DNAJB13: variants seen among roughly 807,000 people sequenced by gnomAD.
DNAJB13 encodes the protein DnaJ heat shock protein family (Hsp40) member B13.
A neutral mutation model predicts 35.6 loss-of-function variants in DNAJB13; 22 were observed. The ratio of observed to expected loss-of-function variants is 0.62; its 90% CI spans 0.44 to 0.88. The LOEUF is 0.88. DNAJB13 is among the 40% of genes least tolerant of loss of function. DNAJB13 has a pLI of 0.00. For missense variants in DNAJB13, 370 were observed against 384.3 expected, an observed-to-expected ratio of 0.96 and a Z score of 0.31; for synonymous variants, 136 against 144.2, an observed-to-expected ratio of 0.94 and a Z score of 0.41.
chr11:73,952,575 GAC>G (rs1950614034), intron 1 of DNAJB13, among the ~76,000 whole-genome samples: 1 of 152,168 alleles, frequency 6.6e-6, no homozygotes, highest in Non-Finnish European at 1.5e-5. Flanking sequence ...GGAGAAAAAA[GAC>G]ACAAACTCAT....
At chr11:73,964,722 A>C (rs370100774) in intron 3 of DNAJB13, 156 bp from the exon 4 acceptor site, 1 of 808,936 alleles carries the variant, frequency 1.2e-6, no homozygotes, top group Non-Finnish European at 2.0e-6. Flanking sequence ...TGGGTGTTAC[A>C]CAGGACACTG....
intron 1 of DNAJB13, among the ~76,000 whole-genome samples, chr11:73,953,505 G>A (rs995645056): frequency 6.6e-6 from 1 of 152,208 alleles, no homozygotes; most frequent in African/African-American, 2.4e-5. Flanking sequence ...GGTCGTGATT[G>A]ATTTGAGCAA....
Position 73,951,138 on chromosome 11 carries a change from G to C in DNAJB13, c.68+1G>C, listed in dbSNP as rs775700619. The C allele has an allele frequency of 1.3e-5, 21 of 1,614,046 alleles. No individual in the cohort carries two copies. The highest frequency in any genetic ancestry group is 1.7e-4 in the Middle Eastern group (1 of 6,058). On this transcript the variant is annotated splice_donor_variant, in intron 1 of 7. Coordinates refer to ENST00000339764, the MANE Select transcript of DNAJB13 (RefSeq NM_153614.4). LOFTEE classifies it high-confidence loss of function. ...CAGAGGATGCCCAGATCAAGCAGGC[G>C]TAAGTTGGGGTGGGAGCCAGGCCTT...
In DNAJB13 at chr11:73,969,999, C is replaced by T. The variant is rs1241364131; in HGVS notation, c.836C>T (p.Pro279Leu). The T allele has an allele frequency of 6.2e-7, 1 of 1,611,568 alleles. No homozygotes were observed. The highest frequency in any genetic ancestry group is 1.1e-5 in the South Asian group (1 of 90,338). The change falls in exon 8 of 8, where the codon CCA becomes CTA. Residue 279 changes from proline (P) to leucine (L), a missense_variant. By Grantham distance (98) the Pro-to-Leu change is moderately conservative. Transcript: ENST00000339764. The stretch of plus-strand genomic sequence containing the variant: ...AAGAAGGTGCCAGGGGAGGGGATGC[C>T]ATTGCCGGAGGACCCCACTAAGAAA... The part of the protein sequence containing the change: ...YFKKVPGEGM[P>L]LPEDPTKKGD...
chr11:73,962,632 A>G (rs538039451), intron 3 of DNAJB13, among the ~76,000 whole-genome samples: 22 of 152,312 alleles, frequency 1.4e-4, no homozygotes, highest in Middle Eastern at 3.4e-3. Context: ...TTATACCCAC[A>G]TAAGGCCTAG....
chr11:73,969,052 A>T (rs967173273), intron 6 of DNAJB13, among the ~76,000 whole-genome samples, 194 bp from the exon 7 acceptor site: 1 of 151,378 alleles, frequency 6.6e-6, no homozygotes. Context: ...CATCCATCTT[A>T]CCTGCCAGAT....
intron 3 of DNAJB13, 99 bp from the exon 4 acceptor site, chr11:73,964,779 G>T: frequency 1.6e-6 from 1 of 631,298 alleles, no homozygotes; most frequent in Non-Finnish European, 2.6e-6. Flanking sequence ...GTGTGTGTGT[G>T]TGTGTGTGTG....
intron 4 of DNAJB13, 181 bp downstream of exon 4, chr11:73,965,216 C>T: frequency 1.5e-6 from 1 of 662,216 alleles, no homozygotes; most frequent in African/African-American, 1.9e-5. Context: ...CAGTTGAAGA[C>T]ATTAGCCCGG....
At chr11:73,953,743 T>C (rs1381610309) in intron 1 of DNAJB13, among the ~76,000 whole-genome samples, 5 of 152,074 alleles carry the variant, frequency 3.3e-5, no homozygotes, top group Non-Finnish European at 7.4e-5. Flanking sequence ...GTTGCTTTTT[T>C]TTAAAACAGG....
At chr11:73,955,608 C>T (rs1040238497) in intron 1 of DNAJB13, among the ~76,000 whole-genome samples, 2 of 152,012 alleles carry the variant, frequency 1.3e-5, no homozygotes, top group African/African-American at 4.8e-5. Flanking sequence ...GGGCAGATCA[C>T]TTGAGGCCAG....
rs554898419 is a variant in DNAJB13 at position 73,965,118 on chromosome 11, A to T, written c.492+83A>T. 84 of 1,430,920 alleles carry T rather than the reference A, an allele frequency of 5.9e-5. No individual in the cohort carries two copies. The Admixed American group carries it at 1.6e-3, about 27-fold the overall frequency. 88.6% of individuals were successfully genotyped at this position (1,430,920 alleles called of 1,614,324 possible). A position where few individuals can be genotyped will look rare whatever the true frequency, so the allele number is the denominator to read the frequency against. On this transcript the variant is annotated intron_variant, in intron 4 of 7. Coordinates refer to ENST00000339764, the MANE Select transcript of DNAJB13 (RefSeq NM_153614.4). ...CCTCCTCCCTTACCTGGGTGGGAGG[A>T]CTCAGGGATGGTCTCTGATGGAATT...
In DNAJB13 at chr11:73,951,104, C is replaced by T. The variant is rs369265644; in HGVS notation, c.35C>T (p.Thr12Ile). Residue 12 changes from threonine (T) to isoleucine (I), a missense_variant, in exon 1 of 8, where the codon ACT becomes ATT. By Grantham distance (89) the Thr-to-Ile change is moderately conservative. Coordinates refer to ENST00000339764, the MANE Select transcript of DNAJB13 (RefSeq NM_153614.4). ...GATTATTACTCTGTGCTCGGGATCA[C>T]TCGCAATTCAGAGGATGCCCAGATC... ...GQDYYSVLGI[T>I]RNSEDAQIKQ... 7 of 1,614,026 alleles carry T rather than the reference C, an allele frequency of 4.3e-6. No individual in the cohort carries two copies. The highest frequency in any genetic ancestry group is 3.4e-6 in the Non-Finnish European group (4 of 1,180,030).
At position 73,963,558 on chromosome 11, in the gene DNAJB13, T is replaced by G. The variant is rs1269344281; in HGVS notation, c.335-1320T>G. On this transcript the variant is annotated intron_variant, in intron 3 of 7. Transcript: ENST00000339764. ...CATAGTGCTCCACCCCAAGGGTTCC[T>G]GAGTCCCATCTCCCTGCAGGGTTGA... The G allele has an allele frequency of 2.6e-5, 4 of 152,296 alleles. No homozygotes were observed. The East Asian group carries it at 7.7e-4, about 29-fold the overall frequency. 9.4% of individuals were successfully genotyped at this position (152,296 alleles called of 1,614,324 possible). A position where few individuals can be genotyped will look rare whatever the true frequency, so the allele number is the denominator to read the frequency against.
intron 5 of DNAJB13, among the ~76,000 whole-genome samples, chr11:73,966,829 C>T (rs1229211043): frequency 6.6e-6 from 1 of 150,612 alleles, no homozygotes; most frequent in African/African-American, 2.4e-5. Context: ...CAGGCATGTG[C>T]CACCACGCCC....
chr11:73,951,794 G>A (rs1479744659), intron 1 of DNAJB13, among the ~76,000 whole-genome samples: 6 of 152,114 alleles, frequency 3.9e-5, no homozygotes, highest in Non-Finnish European at 5.9e-5. Flanking sequence ...TTACAGGCAT[G>A]CACCACCATG....
rs1349327945 is a variant in DNAJB13, at chr11:73,958,345, C to T, written c.97C>T (p.Pro33Ser). The T allele has an allele frequency of 6.2e-7, 1 of 1,614,122 alleles. No individual in the cohort carries two copies. The highest frequency in any genetic ancestry group is 8.5e-7 in the Non-Finnish European group (1 of 1,180,018). The change falls in exon 2 of 8, where the codon CCG becomes TCG. Residue 33 changes from proline (P) to serine (S), a missense_variant. Coordinates refer to ENST00000339764, the MANE Select transcript of DNAJB13 (RefSeq NM_153614.4). ...AYRRLALKHH[P>S]LKSNEPSSAE... ...CCGCAGACTCGCCCTTAAGCACCAC[C>T]CGTTGAAGTCAAATGAGCCGTCTTC...
intron 1 of DNAJB13, among the ~76,000 whole-genome samples, chr11:73,953,408 C>T (rs1325231321): frequency 2.0e-5 from 3 of 152,126 alleles, no homozygotes; most frequent in African/African-American, 7.2e-5. Context: ...GAGCATCGGC[C>T]AGCTACTGCC....
intron 1 of DNAJB13, among the ~76,000 whole-genome samples, chr11:73,952,453 A>G (rs1950611509): frequency 6.6e-6 from 1 of 152,182 alleles, no homozygotes; most frequent in Non-Finnish European, 1.5e-5. Context: ...GCACTAGTAA[A>G]TGGTGGAGCC....
At position 73,966,183 on chromosome 11, in the gene DNAJB13, C is replaced by G; in HGVS notation, c.538C>G (p.Leu180Val). The G allele has an allele frequency of 1.2e-6, 2 of 1,613,860 alleles. No homozygotes were observed. The highest frequency in any genetic ancestry group is 8.5e-7 in the Non-Finnish European group (1 of 1,179,974). Residue 180 changes from leucine (L) to valine (V), a missense_variant, in exon 5 of 8, where the codon CTG (leucine) becomes GTG (valine). Transcript: ENST00000339764. ...GYSSTIKDKI[L>V]TIDVKPGWRQ... ...CTCCTCCACCATCAAGGACAAGATC[C>G]TGACCATTGATGTGAAGCCCGGTTG...
Sources: allele counts gnomAD v4.1 joint callset (sites outside exome capture counted in the v4.1 genomes callset), GRCh38; gene constraint gnomAD v4.1.1; transcripts MANE v1.5; gene names NCBI Gene and HGNC (gene_info 2026-07-23, HGNC 2026-07-21).